The following BABAM1 variants were observed in gnomAD, a reference collection of about 807,000 sequenced individuals.
BABAM1 encodes the protein BRISC and BRCA1-A complex member 1.
A neutral mutation model predicts 34.4 loss-of-function variants in BABAM1; 14 were observed. The ratio of observed to expected loss-of-function variants is 0.41; its 90% CI spans 0.27 to 0.64. The LOEUF is 0.64. Among genes scored for constraint, BABAM1 ranks in the 30% least tolerant of loss-of-function variants. The probability of loss-of-function intolerance (pLI) is 0.34; values close to 1 mark genes in which losing one functional copy is unlikely to be tolerated. For synonymous variants in BABAM1, 169 were observed against 165.8 expected (o/e 1.02, Z -0.15); for missense variants, 393 against 434.0 (o/e 0.91, Z 0.84).
At chr19:17,275,663 G>A in intron 5 of BABAM1, 138 bp from the exon 6 acceptor site, 1 of 1,034,250 alleles carries the variant, frequency 9.7e-7, no homozygotes, top group Non-Finnish European at 1.5e-6. Context: ...TTGTGTGTCA[G>A]AGAGGGCAAG....
rs1222031007 is a variant in BABAM1 at position 17,275,772 on chromosome 19, A to G, written c.545-29A>G. On this transcript the variant is annotated intron_variant, in intron 5 of 8. Coordinates refer to ENST00000598188, the MANE Select transcript of BABAM1 (RefSeq NM_014173.4). ...CCTGTTTCCCGCTCACTCGTGCTCT[A>G]CTAGCCTTCTCCTTAGCACCCCCAC... 6 of 1,613,422 alleles carry G rather than the reference A, an allele frequency of 3.7e-6. No homozygotes were observed. In the African/African-American group the frequency reaches 5.3e-5, roughly 14 times the overall value.
chr19:17,278,275 T>C (rs2073934484), intron 8 of BABAM1, among the ~76,000 whole-genome samples: 1 of 151,956 alleles, frequency 6.6e-6, no homozygotes, highest in South Asian at 2.1e-4. Context: ...GCCAGGAGAA[T>C]GTGTCTGTAT....
chr19:17,269,476 G>A (rs1433623762), intron 2 of BABAM1, among the ~76,000 whole-genome samples: 2 of 149,856 alleles, frequency 1.3e-5, no homozygotes, highest in African/African-American at 2.5e-5. Context: ...TCAGCCTCCC[G>A]AGCAGCTGGG....
intron 3 of BABAM1, among the ~76,000 whole-genome samples, chr19:17,272,318 T>A (rs1323604029): frequency 6.6e-6 from 1 of 152,120 alleles, no homozygotes; most frequent in Non-Finnish European, 1.5e-5. Context: ...GCTGGGAGGA[T>A]CACTTGATCC....
At chr19:17,278,778 A>T in intron 8 of BABAM1, 67 bp from the exon 9 acceptor site, 2 of 1,454,156 alleles carry the variant, frequency 1.4e-6, no homozygotes, top group South Asian at 2.5e-5. Context: ...CCCTCCAGGG[A>T]TATGAAGGGC....
At position 17,268,979 on chromosome 19, in the gene BABAM1, C is replaced by G. The variant is rs2073804686; in HGVS notation, c.173C>G (p.Ala58Gly). 6.3e-7 allele frequency: 1 copy of G among 1,579,220 alleles called. No homozygotes were observed. Among genetic ancestry groups the G allele is most frequent in the East Asian group, 2.3e-5 (1 of 42,954 alleles). The change falls in exon 2 of 9, where the codon GCT becomes GGT. Residue 58 changes from alanine to glycine, a missense_variant. Coordinates refer to ENST00000598188, the MANE Select transcript of BABAM1 (RefSeq NM_014173.4). The stretch of plus-strand genomic sequence containing the variant: ...GAGGGTGAGGGTGAGGCCGCCAGTG[C>G]TGATGATGGGAGCCTCAACACTTCA... The part of the protein sequence containing the change: ...RSEGEGEAAS[A>G]DDGSLNTSGA...
At chr19:17,270,946 T>C (rs2073833890) in intron 2 of BABAM1, among the ~76,000 whole-genome samples, 1 of 150,598 alleles carries the variant, frequency 6.6e-6, no homozygotes, top group Non-Finnish European at 1.5e-5. Context: ...CGTCTCGGCC[T>C]CCCAAAGTGC....
chr19:17,272,264 G>A (rs1377301166), intron 3 of BABAM1, among the ~76,000 whole-genome samples: 2 of 152,074 alleles, frequency 1.3e-5, no homozygotes, highest in East Asian at 1.9e-4. Context: ...AAATTAGCGA[G>A]CATGGTGGCG....
At chr19:17,268,479 G>T in intron 1 of BABAM1, 2 of 170,408 alleles carry the variant, frequency 1.2e-5, no homozygotes, top group African/African-American at 4.9e-5. Context: ...TGCCCAGGAT[G>T]GAGTGCAGTG....
chr19:17,276,031 G>A (rs1465647459), intron 6 of BABAM1, among the ~76,000 whole-genome samples: 1 of 152,160 alleles, frequency 6.6e-6, no homozygotes, highest in Non-Finnish European at 1.5e-5. Flanking sequence ...TCCAGCTGAC[G>A]GCAGTGATGG....
At position 17,278,161 on chromosome 19, in the gene BABAM1, G is replaced by A. The variant is rs951151398; in HGVS notation, c.787-684G>A. Among the ~76,000 whole-genome samples the A allele has an allele frequency of 3.3e-5, 5 of 151,506 alleles. No individual in the cohort carries two copies. In the South Asian group the frequency reaches 8.3e-4, roughly 25 times the overall value. ...TGCACTCCAGCCTGGGAACAACAGC[G>A]AAACCCTGTCTCAAAAAAAAAATTA... On this transcript the variant is annotated intron_variant, in intron 8 of 8. Coordinates refer to ENST00000598188, the MANE Select transcript of BABAM1 (RefSeq NM_014173.4).
At position 17,274,141 on chromosome 19, in the gene BABAM1, G is replaced by A; in HGVS notation, c.500G>A (p.Cys167Tyr). The change falls in exon 5 of 9, where the codon TGT becomes TAT. Residue 167 changes from cysteine (C) to tyrosine (Y), a missense_variant. By Grantham distance (194) the Cys-to-Tyr change is radical. Transcript: ENST00000598188. ...CTGACCTCCGACCCCCGCGAGCTCTGTAGCTGCCTCTATGATCTGGAGACG... is the reference window on the plus strand; with the variant it reads ...CTGACCTCCGACCCCCGCGAGCTCTATAGCTGCCTCTATGATCTGGAGACG... ...SGLTSDPREL[C>Y]SCLYDLETAS... The A allele has an allele frequency of 1.2e-6, 2 of 1,613,658 alleles. No individual in the cohort carries two copies. The highest frequency in any genetic ancestry group is 1.7e-6 in the Non-Finnish European group (2 of 1,179,876).
In BABAM1 at chr19:17,279,173, CA is replaced by C; in HGVS notation, c.*126del. Reference sequence around the variant, plus strand: ...TCCAGGAGGCACGTAGGGTACCTTGCAGGGTCCTAGGAGGGAAACCCAGGAT... The same window carrying C: ...TCCAGGAGGCACGTAGGGTACCTTGCGGGTCCTAGGAGGGAAACCCAGGAT... On this transcript the variant is annotated 3_prime_UTR_variant, in exon 9 of 9. Coordinates refer to ENST00000598188, the MANE Select transcript of BABAM1 (RefSeq NM_014173.4). 9.8e-7 allele frequency: 1 copy of C among 1,017,738 alleles called. No homozygotes were observed. The highest frequency in any genetic ancestry group is 1.4e-6 in the Non-Finnish European group (1 of 701,118). The allele number at this position is 1,017,738 out of a possible 1,614,324, so 63.0% of individuals were successfully genotyped here.
chr19:17,274,321 C>T (rs2073882801), intron 5 of BABAM1, 136 bp downstream of exon 5: 3 of 1,113,728 alleles, frequency 2.7e-6, no homozygotes, highest in Non-Finnish European at 3.9e-6. Flanking sequence ...GGAAAGTCAC[C>T]CCTCTGAGCC....
At chr19:17,269,361 T>TTTTTTTTTTC in intron 2 of BABAM1, among the ~76,000 whole-genome samples, 1 of 150,226 alleles carries the variant, frequency 6.7e-6, no homozygotes, top group South Asian at 2.1e-4. Flanking sequence ...TTTTTTTTTT[T>TTTTTTTTTTC]TTTTTTGAGA....
In BABAM1 at chr19:17,276,921, CAG is replaced by C; in HGVS notation, c.786+13_786+14del. 1 of 1,585,468 alleles carries C rather than the reference CAG, an allele frequency of 6.3e-7. No homozygotes were observed. The highest frequency in any genetic ancestry group is 8.6e-7 in the Non-Finnish European group (1 of 1,165,544). On this transcript the variant is annotated intron_variant, in intron 8 of 8. Coordinates refer to ENST00000598188, the MANE Select transcript of BABAM1 (RefSeq NM_014173.4). ...AGATGAGTTGGAAGGTGAGAGGCTG[CAG>C]CAGGTGTGAGTAGCAGGCGGGTGTG...
intron 8 of BABAM1, among the ~76,000 whole-genome samples, chr19:17,278,544 T>C (rs1353960209): frequency 2.6e-5 from 4 of 151,702 alleles, no homozygotes; most frequent in African/African-American, 7.3e-5. Context: ...CTCCTGACCT[T>C]GTGATCTGCC....
rs999462407 is a variant in BABAM1, at chr19:17,278,945, C to G, written c.887C>G (p.Ala296Gly). The G allele has an allele frequency of 6.2e-7, 1 of 1,613,076 alleles. No individual in the cohort carries two copies. Among genetic ancestry groups the G allele is most frequent in the African/African-American group, 1.3e-5 (1 of 74,920 alleles). The change falls in exon 9 of 9, where the codon GCG becomes GGG. Residue 296 changes from alanine to glycine, a missense_variant. By Grantham distance (60) the Ala-to-Gly change is moderately conservative. Transcript: ENST00000598188. ...GPALELHNCM[A>G]KLLAHPLQRP... ...GCCCTGGAGTTGCACAACTGCATGGCGAAACTGTTGGCCCACCCCCTGCAG... is the reference window on the plus strand; with the variant it reads ...GCCCTGGAGTTGCACAACTGCATGGGGAAACTGTTGGCCCACCCCCTGCAG...
intron 1 of BABAM1, among the ~76,000 whole-genome samples, chr19:17,268,393 G>A (rs1336079215): frequency 1.3e-5 from 2 of 151,942 alleles, no homozygotes; most frequent in Admixed American, 6.6e-5. Flanking sequence ...ATCAGTAAGC[G>A]GCTCATCGCC....
Sources: gnomAD v4.1 joint callset for allele counts (sites outside exome capture counted in the v4.1 genomes callset) on GRCh38, gnomAD v4.1.1 for gene constraint, MANE v1.5 for transcripts, NCBI Gene and HGNC (gene_info 2026-07-23, HGNC 2026-07-21) for gene names.